Variants in PCDH15 observed in about 807,000 individuals in gnomAD.
The protein encoded by PCDH15 is protocadherin-15.
Under a neutral mutation model 178.5 loss-of-function variants are expected in PCDH15, and 129 were observed. The observed-to-expected ratio is 0.72, with a 90% CI of 0.63 to 0.84. PCDH15 has a LOEUF of 0.84. PCDH15 is among the 40% of genes least tolerant of loss of function. The probability of loss-of-function intolerance (pLI) is 0.00; values close to 1 mark genes in which losing one functional copy is unlikely to be tolerated. For missense variants in PCDH15, 2,230 were observed against 2,099.9 expected (o/e 1.06, Z -1.21); for synonymous variants, 800 against 732.0 (o/e 1.09, Z -1.50).
chr10:55,275,580 T>C (rs571695433), intron 1 of PCDH15, among the ~76,000 whole-genome samples: 1 of 152,152 alleles, frequency 6.6e-6, no homozygotes, highest in Non-Finnish European at 1.5e-5. Flanking sequence ...TATAAGAATT[T>C]GGGTTGGTAT....
At chr10:55,282,997 AC>A (rs1849414407) in intron 1 of PCDH15, among the ~76,000 whole-genome samples, 2 of 152,232 alleles carry the variant, frequency 1.3e-5, no homozygotes, top group South Asian at 2.1e-4. Context: ...TTTTCCCAAA[AC>A]AAACACTCTT....
chr10:55,594,021 C>T (rs533867245), intron 2 of PCDH15, among the ~76,000 whole-genome samples: 2 of 151,764 alleles, frequency 1.3e-5, no homozygotes, highest in South Asian at 4.1e-4. Flanking sequence ...TGCTTGTGTC[C>T]TAAACTGAAA....
At chr10:54,494,810 G>T (rs909746068) in intron 3 of PCDH15, among the ~76,000 whole-genome samples, 2 of 151,774 alleles carry the variant, frequency 1.3e-5, no homozygotes, top group African/African-American at 4.8e-5. Context: ...GAAAATGAAG[G>T]CCACAGCCAA....
At chr10:54,641,577 A>G (rs1181153980) in intron 2 of PCDH15, among the ~76,000 whole-genome samples, 1 of 141,630 alleles carries the variant, frequency 7.1e-6, no homozygotes, top group Admixed American at 6.9e-5. Flanking sequence ...ACACATATGC[A>G]AACACCACAC....
intron 3 of PCDH15, among the ~76,000 whole-genome samples, chr10:54,522,083 A>G (rs7900026): frequency 0.73 from 92,460 of 126,620 alleles, 34,267 homozygotes; most frequent in East Asian, 0.98. Context: ...GTGAGAATCC[A>G]TCTCAAAAAA....
intron 28 of PCDH15, among the ~76,000 whole-genome samples, chr10:53,845,810 G>A (rs1194522899): frequency 4.0e-5 from 6 of 151,536 alleles, no homozygotes; most frequent in South Asian, 2.1e-4. Context: ...TCAACAGTAC[G>A]GTAGGGAATT....
chr10:54,528,162 T>G (rs1325075813), intron 2 of PCDH15, among the ~76,000 whole-genome samples: 2 of 151,928 alleles, frequency 1.3e-5, no homozygotes, highest in Admixed American at 6.6e-5. Context: ...ACAGAGATAA[T>G]GGGATGGAAA....
At chr10:54,437,871 A>G (rs1258525890) in intron 3 of PCDH15, among the ~76,000 whole-genome samples, 1 of 152,164 alleles carries the variant, frequency 6.6e-6, no homozygotes, top group African/African-American at 2.4e-5. Context: ...GTGTAAATGA[A>G]GAAATACTTT....
rs569484602 is a variant in PCDH15, at chr10:53,948,968, T to C, written c.3123-7993A>G. Among the ~76,000 whole-genome samples the C allele has an allele frequency of 2.6e-5, 4 of 152,296 alleles. No homozygotes were observed. In the East Asian group the frequency reaches 7.7e-4, roughly 29 times the overall value. On this transcript the variant is annotated intron_variant, in intron 23 of 37. Transcript: ENST00000644397. ...GGATCAAAATTTCCCATAGATACAA[T>C]ACAATGAAATAATGGGACGTATAAA...
At chr10:54,991,656 G>A (rs763513215) in intron 2 of PCDH15, among the ~76,000 whole-genome samples, 10 of 152,110 alleles carry the variant, frequency 6.6e-5, no homozygotes, top group Middle Eastern at 3.4e-3. Flanking sequence ...AAAAGACAGC[G>A]GCTATGATAA....
At chr10:54,703,432 T>C (rs530201834) in intron 1 of PCDH15, among the ~76,000 whole-genome samples, 27 of 152,088 alleles carry the variant, frequency 1.8e-4, no homozygotes, top group African/African-American at 6.5e-4. Context: ...AGAGAGGAAG[T>C]CAAACTGTCT....
At chr10:55,487,889 CAAGTT>C (rs1236922138) in intron 2 of PCDH15, among the ~76,000 whole-genome samples, 4 of 151,332 alleles carry the variant, frequency 2.6e-5, no homozygotes, top group African/African-American at 9.7e-5. Flanking sequence ...AGCCTATACT[CAAGTT>C]AAAAAGAGGT....
chr10:54,666,061 A>T (rs556618473), intron 1 of PCDH15, among the ~76,000 whole-genome samples: 1 of 152,210 alleles, frequency 6.6e-6, no homozygotes, highest in South Asian at 2.1e-4. Flanking sequence ...ATAAAATAGT[A>T]TTTACCTCAT....
chr10:54,363,365 A>T (rs964234128), intron 5 of PCDH15, among the ~76,000 whole-genome samples: 1 of 152,134 alleles, frequency 6.6e-6, no homozygotes, highest in African/African-American at 2.4e-5. Context: ...AAAATTTATT[A>T]TGTGTCTTCA....
At chr10:55,181,154 A>C (rs927609815) in intron 1 of PCDH15, among the ~76,000 whole-genome samples, 6 of 152,058 alleles carry the variant, frequency 3.9e-5, no homozygotes, top group South Asian at 4.1e-4. Flanking sequence ...GGCAAGAATA[A>C]AGCAAGTAAA....
intron 2 of PCDH15, among the ~76,000 whole-genome samples, chr10:55,610,565 A>G (rs560422649): frequency 2.0e-5 from 3 of 152,226 alleles, no homozygotes; most frequent in Non-Finnish European, 4.4e-5. Flanking sequence ...GCTTTCATTA[A>G]ATAAAGCAAG....
At chr10:54,240,762 G>C (rs1026978603) in intron 8 of PCDH15, among the ~76,000 whole-genome samples, 1 of 150,208 alleles carries the variant, frequency 6.7e-6, no homozygotes, top group Non-Finnish European at 1.5e-5. Flanking sequence ...CTCCCGAGTA[G>C]CTGGGACTAC....
intron 15 of PCDH15, among the ~76,000 whole-genome samples, chr10:54,128,349 C>A (rs2042151474): frequency 6.6e-6 from 1 of 152,152 alleles, no homozygotes; most frequent in Admixed American, 6.6e-5. Context: ...CGGATCCAGG[C>A]AGGACTGATC....
chr10:54,885,268 G>A (rs1363339054), intron 3 of PCDH15, among the ~76,000 whole-genome samples: 1 of 152,004 alleles, frequency 6.6e-6, no homozygotes, highest in Non-Finnish European at 1.5e-5. Context: ...CAAGAAGGGG[G>A]AAGGGAAACA....
Sources: gnomAD v4.1 joint callset for allele counts (sites outside exome capture counted in the v4.1 genomes callset) on GRCh38, gnomAD v4.1.1 for gene constraint, MANE v1.5 for transcripts, NCBI Gene and HGNC (gene_info 2026-07-23, HGNC 2026-07-21) for gene names.